RERG: variants seen among roughly 807,000 people sequenced by gnomAD.
RERG encodes ras-related and estrogen-regulated growth inhibitor.
Under a neutral mutation model 23.2 loss-of-function variants are expected in RERG, and 25 were observed. The observed-to-expected ratio is 1.08, with a 90% CI of 0.79 to 1.50. The LOEUF (loss-of-function observed/expected upper bound fraction) is 1.50, where lower values mean the gene tolerates loss of function less well. Ranked by LOEUF, RERG falls within the 40% of genes most tolerant of loss-of-function variation. The pLI, the probability that RERG is intolerant of heterozygous loss-of-function variation, is 0.00. For synonymous variants in RERG, 81 were observed against 89.1 expected, an observed-to-expected ratio of 0.91 and a Z score of 0.51; for missense variants, 253 against 250.1, an observed-to-expected ratio of 1.01 and a Z score of -0.08.
At chr12:15,198,831 C>T (rs1004631388) in intron 2 of RERG, among the ~76,000 whole-genome samples, 9 of 152,200 alleles carry the variant, frequency 5.9e-5, no homozygotes, top group South Asian at 4.1e-4. Flanking sequence ...TCTCCCCCGA[C>T]TTCAGCCTCT....
At chr12:15,173,366 T>C (rs1407906105) in intron 2 of RERG, among the ~76,000 whole-genome samples, 1 of 152,078 alleles carries the variant, frequency 6.6e-6, no homozygotes, top group African/African-American at 2.4e-5. Context: ...TTTTGATTAA[T>C]GTAGCTTTTA....
At chr12:15,148,673 G>A (rs1025180772) in intron 2 of RERG, among the ~76,000 whole-genome samples, 10 of 152,062 alleles carry the variant, frequency 6.6e-5, no homozygotes. Context: ...TGAATGAGAA[G>A]AAGTCACTTT....
At chr12:15,133,692 C>G in intron 2 of RERG, among the ~76,000 whole-genome samples, 1 of 151,422 alleles carries the variant, frequency 6.6e-6, no homozygotes, top group African/African-American at 2.4e-5. Context: ...AGTAGCTACA[C>G]CACTTTTGAT....
chr12:15,204,059 T>A (rs1349763000), intron 2 of RERG, among the ~76,000 whole-genome samples: 1 of 151,636 alleles, frequency 6.6e-6, no homozygotes, highest in Non-Finnish European at 1.5e-5. Flanking sequence ...CTTACAGAAA[T>A]AGAAAACGTA....
At chr12:15,151,276 C>T (rs762849299) in intron 2 of RERG, among the ~76,000 whole-genome samples, 1 of 152,130 alleles carries the variant, frequency 6.6e-6, no homozygotes, top group Non-Finnish European at 1.5e-5. Flanking sequence ...ATAAGAACCA[C>T]ATGTCTTTTA....
At chr12:15,119,018 G>T (rs1417786355) in intron 3 of RERG, among the ~76,000 whole-genome samples, 1 of 151,130 alleles carries the variant, frequency 6.6e-6, no homozygotes, top group African/African-American at 2.4e-5. Flanking sequence ...AATGGATGGA[G>T]AACCCCTCTA....
chr12:15,212,480 T>C (rs1439893396), intron 2 of RERG, among the ~76,000 whole-genome samples: 2 of 152,200 alleles, frequency 1.3e-5, no homozygotes, highest in Admixed American at 6.5e-5. Flanking sequence ...TTTGCATATA[T>C]TTTATATAAC....
chr12:15,175,384 TG>T (rs1864836458), intron 2 of RERG, among the ~76,000 whole-genome samples: 3 of 138,268 alleles, frequency 2.2e-5, no homozygotes, highest in South Asian at 2.4e-4. Flanking sequence ...TGTGTGTGTG[TG>T]TGTTGGGGCA....
intron 2 of RERG, among the ~76,000 whole-genome samples, chr12:15,170,956 A>G (rs2136121761): frequency 6.6e-6 from 1 of 152,368 alleles, no homozygotes; most frequent in African/African-American, 2.4e-5. Flanking sequence ...GAGCTTTAGA[A>G]AATCCCAGGT....
chr12:15,153,010 G>A (rs1864467977), intron 2 of RERG, among the ~76,000 whole-genome samples: 1 of 152,112 alleles, frequency 6.6e-6, no homozygotes, highest in Non-Finnish European at 1.5e-5. Flanking sequence ...CCCCTTATAA[G>A]TCATCACTCC....
intron 2 of RERG, among the ~76,000 whole-genome samples, chr12:15,181,555 C>T (rs1337709334): frequency 1.3e-5 from 2 of 152,156 alleles, no homozygotes; most frequent in Non-Finnish European, 2.9e-5. Flanking sequence ...GCTTAACCTC[C>T]CTCTCCTCCA....
In RERG at chr12:15,126,762, G is replaced by T. The variant is rs1433897092; in HGVS notation, c.62-5643C>A. 4.3e-4 allele frequency among the ~76,000 whole-genome samples: 54 copies of T among 125,652 alleles called. 1 individual carries two copies. The Admixed American group carries it at 5.5e-3, about 13-fold the overall frequency. 82.4% of individuals were successfully genotyped at this position (125,652 alleles called of 152,430 possible). ...TTTTGAGACAGAGTCTCGCTCTGTC[G>T]CCCAGGCTGGAGTGGCGCAATCTCG... On this transcript the variant is annotated intron_variant, in intron 2 of 4. Transcript: ENST00000256953.
intron 2 of RERG, among the ~76,000 whole-genome samples, chr12:15,213,889 C>T (rs1865402767): frequency 6.6e-6 from 1 of 152,068 alleles, no homozygotes; most frequent in South Asian, 2.1e-4. Flanking sequence ...TGGCTTTTTA[C>T]AAGATTAAAT....
Position 15,107,811 on chromosome 12 carries a change from TTA to T in RERG, c.*1297_*1298del, listed in dbSNP as rs1380599460. On this transcript the variant is annotated 3_prime_UTR_variant, in exon 5 of 5. Coordinates refer to ENST00000256953, the MANE Select transcript of RERG (RefSeq NM_032918.3). ...CAGAATGAGAAAATTATGCTTTTTATTATAGTCACATAAAATAAAGTCAGTTA... is the reference window on the plus strand; with the variant it reads ...CAGAATGAGAAAATTATGCTTTTTATTAGTCACATAAAATAAAGTCAGTTA... 16 of 152,604 alleles carry T rather than the reference TTA, an allele frequency of 1.0e-4. No individual in the cohort carries two copies. The highest frequency in any genetic ancestry group is 6.5e-5 in the Admixed American group (1 of 15,280). 9.5% of individuals were successfully genotyped at this position (152,604 alleles called of 1,614,324 possible).
chr12:15,131,882 T>G (rs1029325954), intron 2 of RERG, among the ~76,000 whole-genome samples: 3 of 152,046 alleles, frequency 2.0e-5, no homozygotes, highest in African/African-American at 7.2e-5. Flanking sequence ...CAAACACCAC[T>G]CCTATGGCTA....
intron 2 of RERG, among the ~76,000 whole-genome samples, chr12:15,163,584 C>G (rs1209359653): frequency 6.6e-6 from 1 of 152,190 alleles, no homozygotes; most frequent in African/African-American, 2.4e-5. Context: ...AAACAGAAAC[C>G]ACTCTACGTC....
In RERG at chr12:15,200,562, C is replaced by T. The variant is rs1018561989; in HGVS notation, c.61+16867G>A. Among the ~76,000 whole-genome samples the T allele has an allele frequency of 2.0e-5, 3 of 151,968 alleles. No homozygotes were observed. The South Asian group carries it at 6.2e-4, about 31-fold the overall frequency. ...CTGATGGGATCCAATTCTACCCAAC[C>T]TGCCCTCATAAAATGTTTGAAGCTT... On this transcript the variant is annotated intron_variant, in intron 2 of 4. Coordinates refer to ENST00000256953, the MANE Select transcript of RERG (RefSeq NM_032918.3).
intron 2 of RERG, among the ~76,000 whole-genome samples, chr12:15,171,019 G>C (rs559318206): frequency 7.2e-5 from 11 of 152,266 alleles, no homozygotes; most frequent in African/African-American, 2.4e-4. Flanking sequence ...AATTTAATTG[G>C]TGCATTTATT....
intron 2 of RERG, among the ~76,000 whole-genome samples, chr12:15,131,001 A>G (rs1864037053): frequency 6.6e-6 from 1 of 152,064 alleles, no homozygotes; most frequent in Non-Finnish European, 1.5e-5. Flanking sequence ...CGATGAGGGG[A>G]AAAATGGCAG....
Sources: allele counts gnomAD v4.1 joint callset (sites outside exome capture counted in the v4.1 genomes callset), GRCh38; gene constraint gnomAD v4.1.1; transcripts MANE v1.5; gene names NCBI Gene and HGNC (gene_info 2026-07-23, HGNC 2026-07-21).